Variants in TRPM3 observed in about 807,000 individuals in gnomAD.
TRPM3 encodes the protein transient receptor potential cation channel subfamily M member 3.
A neutral mutation model predicts 181.2 loss-of-function variants in TRPM3; 77 were observed. The observed-to-expected ratio is 0.42, with a 90% CI of 0.35 to 0.51. TRPM3 has a LOEUF of 0.51. Among genes scored for constraint, TRPM3 ranks in the 20% least tolerant of loss-of-function variants. The probability of loss-of-function intolerance (pLI) is 0.01; values close to 1 mark genes in which losing one functional copy is unlikely to be tolerated. For synonymous variants in TRPM3, 745 were observed against 796.4 expected, an observed-to-expected ratio of 0.94 and a Z score of 1.09; for missense variants, 1,759 against 2,196.7, an observed-to-expected ratio of 0.80 and a Z score of 3.98.
intron 1 of TRPM3, among the ~76,000 whole-genome samples, chr9:70,943,570 C>T (rs575100460): frequency 2.0e-5 from 3 of 152,146 alleles, no homozygotes; most frequent in Non-Finnish European, 4.4e-5. Flanking sequence ...TCTTAACACA[C>T]GACTAACATC....
At chr9:70,744,408 C>T (rs974360789) in intron 8 of TRPM3, among the ~76,000 whole-genome samples, 1 of 151,920 alleles carries the variant, frequency 6.6e-6, no homozygotes, top group Non-Finnish European at 1.5e-5. Flanking sequence ...GTATAGTCTT[C>T]CCCAATCTGT....
intron 1 of TRPM3, among the ~76,000 whole-genome samples, chr9:71,209,115 C>A (rs2079310810): frequency 6.6e-6 from 1 of 151,946 alleles, no homozygotes; most frequent in Non-Finnish European, 1.5e-5. Flanking sequence ...GAGTAATTAG[C>A]AAATAGATGC....
At chr9:71,293,314 AAC>A (rs1201081220) in intron 1 of TRPM3, among the ~76,000 whole-genome samples, 1 of 151,914 alleles carries the variant, frequency 6.6e-6, no homozygotes, top group African/African-American at 2.4e-5. Context: ...GATAAAAGAT[AAC>A]ACATAAATGG....
At chr9:71,364,253 C>T (rs770012177) in intron 1 of TRPM3, among the ~76,000 whole-genome samples, 85 of 151,630 alleles carry the variant, frequency 5.6e-4, no homozygotes, top group Non-Finnish European at 1.1e-3. Context: ...TATTTTTATT[C>T]GCCACTGTTA....
chr9:71,422,227 C>T (rs1192410218), intron 1 of TRPM3, among the ~76,000 whole-genome samples: 1 of 151,876 alleles, frequency 6.6e-6, no homozygotes, highest in African/African-American at 2.4e-5. Flanking sequence ...TGAGTACCAA[C>T]TTATGAAGAA....
chr9:71,382,997 T>G (rs150600781), intron 1 of TRPM3, among the ~76,000 whole-genome samples: 1 of 152,290 alleles, frequency 6.6e-6, no homozygotes, highest in East Asian at 1.9e-4. Flanking sequence ...AAAACAATAT[T>G]GTATGCTCTA....
intron 3 of TRPM3, among the ~76,000 whole-genome samples, chr9:70,861,155 T>C (rs1292506263): frequency 6.6e-6 from 1 of 152,174 alleles, no homozygotes; most frequent in Non-Finnish European, 1.5e-5. Flanking sequence ...AAGTTACTTG[T>C]GACTAAGCTC....
chr9:71,028,317 G>A lies in TRPM3; in HGVS notation c.177+92861C>T, dbSNP rs1300498335. ...TGCCGTATAAGAGCCCCTGAAAGAA[G>A]CAATAAATATGGAAAGAAAAGATTG... On this transcript the variant is annotated intron_variant, in intron 1 of 25. Coordinates refer to ENST00000677713, the MANE Select transcript of TRPM3 (RefSeq NM_001366145.2). 5.9e-5 allele frequency among the ~76,000 whole-genome samples: 9 copies of A among 152,078 alleles called. No individual in the cohort carries two copies. The East Asian group carries it at 9.6e-4, about 16-fold the overall frequency.
rs57929544 is a variant in TRPM3 at position 70,668,672 on chromosome 9, G to GAAAAAAA, written c.1345+12827_1345+12833dup. Among the ~76,000 whole-genome samples the GAAAAAAA allele has an allele frequency of 1.3e-3, 111 of 86,526 alleles. 1 individual carries two copies. Among genetic ancestry groups the GAAAAAAA allele is most frequent in the African/African-American group, 1.9e-3 (43 of 22,892 alleles). 56.8% of individuals were successfully genotyped at this position (86,526 alleles called of 152,430 possible). A position where few individuals can be genotyped will look rare whatever the true frequency, so the allele number is the denominator to read the frequency against. On this transcript the variant is annotated intron_variant, in intron 9 of 25. Transcript: ENST00000677713. ...AGAGCGAGACTCCGTCTCAAAAAAAGAAAAAAAAAAAAAAAAAAAAAAAAA... is the reference window on the plus strand; with the variant it reads ...AGAGCGAGACTCCGTCTCAAAAAAAGAAAAAAAAAAAAAAAAAAAAAAAAAAAAAAAA...
At chr9:71,187,341 A>C (rs2077736865) in intron 1 of TRPM3, among the ~76,000 whole-genome samples, 1 of 152,018 alleles carries the variant, frequency 6.6e-6, no homozygotes, top group South Asian at 2.1e-4. Flanking sequence ...TCCCTCCAGG[A>C]AATTCCTACT....
intron 8 of TRPM3, among the ~76,000 whole-genome samples, chr9:70,696,627 C>T (rs528307008): frequency 1.3e-5 from 2 of 152,264 alleles, no homozygotes; most frequent in African/African-American, 2.4e-5. Flanking sequence ...TGCGCAAACC[C>T]GTGTTTGAAG....
At chr9:71,052,161 C>A (rs2060133852) in intron 1 of TRPM3, among the ~76,000 whole-genome samples, 1 of 151,970 alleles carries the variant, frequency 6.6e-6, no homozygotes, top group East Asian at 1.9e-4. Context: ...TAAAATTAAA[C>A]CACAGTAAAG....
rs538479387 is a variant in TRPM3 at position 70,820,937 on chromosome 9, C to T, written c.973+6910G>A. Among the ~76,000 whole-genome samples the T allele has an allele frequency of 2.6e-4, 39 of 152,204 alleles. No homozygotes were observed. In the Middle Eastern group the frequency reaches 0.017, roughly 66 times the overall value. On this transcript the variant is annotated intron_variant, in intron 6 of 25. Coordinates refer to ENST00000677713, the MANE Select transcript of TRPM3 (RefSeq NM_001366145.2). ...AAAGTTATACTCTTCTCTTTAAACCCTTAAAAGAAAGTCACAATTGCTGAA... is the reference window on the plus strand; with the variant it reads ...AAAGTTATACTCTTCTCTTTAAACCTTTAAAAGAAAGTCACAATTGCTGAA...
intron 1 of TRPM3, among the ~76,000 whole-genome samples, chr9:70,970,945 A>G (rs1376648524): frequency 6.6e-6 from 1 of 152,206 alleles, no homozygotes; most frequent in Non-Finnish European, 1.5e-5. Context: ...AAACTGAAAG[A>G]AAATAGAAAA....
At chr9:71,366,689 T>C (rs973534491) in intron 1 of TRPM3, among the ~76,000 whole-genome samples, 3 of 152,182 alleles carry the variant, frequency 2.0e-5, no homozygotes, top group East Asian at 1.9e-4. Context: ...CTTCTGTTTG[T>C]ATATTTAAAA....
At chr9:71,207,799 C>A (rs13286457) in intron 1 of TRPM3, among the ~76,000 whole-genome samples, 65,263 of 151,988 alleles carry the variant, frequency 0.43, 14,407 homozygotes, top group East Asian at 0.52. Context: ...CTTTTGAAAA[C>A]TCAATATAAA....
At chr9:71,054,822 C>A (rs1339688809) in intron 1 of TRPM3, among the ~76,000 whole-genome samples, 2 of 152,056 alleles carry the variant, frequency 1.3e-5, no homozygotes, top group African/African-American at 4.8e-5. Context: ...GTCACTAGGG[C>A]TTTGATGACC....
intron 5 of TRPM3, among the ~76,000 whole-genome samples, chr9:70,837,683 C>T (rs2094409777): frequency 6.6e-6 from 1 of 152,132 alleles, no homozygotes; most frequent in South Asian, 2.1e-4. Context: ...AATTATATTT[C>T]ACTGGAAGTT....
chr9:70,633,123 A>ACAAAGG (rs1267795103), intron 12 of TRPM3, among the ~76,000 whole-genome samples: 2 of 152,204 alleles, frequency 1.3e-5, no homozygotes, highest in Non-Finnish European at 2.9e-5. Flanking sequence ...GGATTGAGGG[A>ACAAAGG]CAAAGGCATA....
Sources: gnomAD v4.1 joint callset for allele counts (sites outside exome capture counted in the v4.1 genomes callset) on GRCh38, gnomAD v4.1.1 for gene constraint, MANE v1.5 for transcripts, NCBI Gene and HGNC (gene_info 2026-07-23, HGNC 2026-07-21) for gene names.